The following CDH8 variants were observed in gnomAD, a reference collection of about 807,000 sequenced individuals.
CDH8 encodes cadherin 8.
Under a neutral mutation model 68.1 loss-of-function variants are expected in CDH8, and 17 were observed. The ratio of observed to expected loss-of-function variants is 0.25; its 90% CI spans 0.17 to 0.37. CDH8 has a LOEUF of 0.37. Ranked by LOEUF, CDH8 falls within the 10% of genes least tolerant of loss-of-function variation. The pLI is 1.00. For synonymous variants in CDH8, 372 were observed against 365.1 expected (o/e 1.02, Z -0.21); for missense variants, 763 against 999.3 (o/e 0.76, Z 3.19).
chr16:61,995,388 T>G (rs1638545265), intron 2 of CDH8, among the ~76,000 whole-genome samples: 2 of 152,134 alleles, frequency 1.3e-5, no homozygotes, highest in African/African-American at 2.4e-5. Context: ...ACTTTCACTT[T>G]TTTTTTTGAG....
In CDH8 at chr16:61,870,257, T is replaced by C. The variant is rs150120789; in HGVS notation, c.548-13019A>G. Among the ~76,000 whole-genome samples the C allele has an allele frequency of 2.7e-4, 41 of 152,348 alleles. No individual in the cohort carries two copies. In the East Asian group the frequency reaches 7.7e-3, roughly 29 times the overall value. On this transcript the variant is annotated intron_variant, in intron 3 of 11. Coordinates refer to ENST00000577390, the MANE Select transcript of CDH8 (RefSeq NM_001796.5). ...TGCTGATGAGATACACAACCCGTTC[T>C]GTCCCTTTTGGCAATCCATTTATAA...
chr16:61,820,865 A>T, intron 6 of CDH8, 61 bp downstream of exon 6: 1 of 1,453,604 alleles, frequency 6.9e-7, no homozygotes, highest in Non-Finnish European at 9.5e-7. Context: ...AAGTCCCTCA[A>T]CTTTAAAACT....
At chr16:61,807,668 C>G (rs1961828012) in intron 7 of CDH8, among the ~76,000 whole-genome samples, 1 of 152,144 alleles carries the variant, frequency 6.6e-6, no homozygotes. Flanking sequence ...CTATCCACTA[C>G]TTAGGGTCCA....
chr16:61,973,083 T>C (rs1007527711), intron 2 of CDH8, among the ~76,000 whole-genome samples: 2 of 152,144 alleles, frequency 1.3e-5, no homozygotes, highest in African/African-American at 2.4e-5. Flanking sequence ...AGGGGTCCAC[T>C]TATACTCTGA....
intron 10 of CDH8, among the ~76,000 whole-genome samples, chr16:61,667,000 A>G (rs1359404681): frequency 6.6e-6 from 1 of 152,052 alleles, no homozygotes; most frequent in Non-Finnish European, 1.5e-5. Flanking sequence ...AGTGTAATGA[A>G]TTAATAAAAA....
intron 3 of CDH8, among the ~76,000 whole-genome samples, chr16:61,884,201 G>C (rs1238248839): frequency 6.6e-6 from 1 of 151,990 alleles, no homozygotes; most frequent in Non-Finnish European, 1.5e-5. Flanking sequence ...TATATGCAGG[G>C]TCCACTTACG....
chr16:61,728,995 G>T (rs1387087522), intron 8 of CDH8, among the ~76,000 whole-genome samples: 1 of 151,054 alleles, frequency 6.6e-6, no homozygotes, highest in African/African-American at 2.4e-5. Context: ...TATAGCCTTT[G>T]CCTTTTGCAA....
intron 9 of CDH8, chr16:61,714,406 C>A: frequency 5.8e-6 from 1 of 172,154 alleles, no homozygotes; most frequent in Non-Finnish European, 1.2e-5. Context: ...TAAATGTTTG[C>A]CAAATAGTGT....
intron 2 of CDH8, among the ~76,000 whole-genome samples, chr16:61,959,586 A>G (rs951713080): frequency 8.0e-5 from 12 of 149,176 alleles, no homozygotes; most frequent in African/African-American, 2.7e-4. Flanking sequence ...ATATAGAGAG[A>G]TGTGTGTGTG....
At chr16:61,767,230 T>C (rs546925956) in intron 8 of CDH8, among the ~76,000 whole-genome samples, 25 of 152,122 alleles carry the variant, frequency 1.6e-4, no homozygotes, top group African/African-American at 5.8e-4. Context: ...ACATAAGCTA[T>C]GATTGTTAGC....
intron 10 of CDH8, among the ~76,000 whole-genome samples, chr16:61,665,828 CCT>C (rs1271867361): frequency 6.4e-5 from 9 of 141,146 alleles, no homozygotes; most frequent in Non-Finnish European, 1.1e-4. Context: ...TTCCTTCTCT[CCT>C]TCCCTCCCTC....
At chr16:61,868,613 G>A (rs1409019056) in intron 3 of CDH8, among the ~76,000 whole-genome samples, 3 of 152,036 alleles carry the variant, frequency 2.0e-5, no homozygotes, top group Non-Finnish European at 4.4e-5. Flanking sequence ...TTCCTATAGA[G>A]GAAATAATGA....
chr16:61,903,390 C>T (rs922109401), intron 2 of CDH8, among the ~76,000 whole-genome samples: 2 of 152,208 alleles, frequency 1.3e-5, no homozygotes, highest in South Asian at 4.1e-4. Context: ...GTGACGCGAT[C>T]TCAGCTCATT....
At chr16:61,807,850 T>C (rs1010166330) in intron 7 of CDH8, among the ~76,000 whole-genome samples, 3 of 152,214 alleles carry the variant, frequency 2.0e-5, no homozygotes, top group African/African-American at 7.2e-5. Context: ...TGCAGTTTGA[T>C]TTCACTGTCT....
intron 10 of CDH8, among the ~76,000 whole-genome samples, chr16:61,697,417 T>C (rs1330770100): frequency 3.3e-5 from 5 of 152,022 alleles, no homozygotes; most frequent in African/African-American, 1.2e-4. Flanking sequence ...GGAATTGATT[T>C]GGAACCTGGG....
chr16:61,938,065 C>T (rs1964654498), intron 2 of CDH8: 1 of 152,008 alleles, frequency 6.6e-6, no homozygotes, highest in Non-Finnish European at 1.5e-5. Flanking sequence ...CACTGATGCC[C>T]AGAAAACTAA....
intron 2 of CDH8, among the ~76,000 whole-genome samples, chr16:62,015,145 A>T (rs562442252): frequency 6.6e-6 from 1 of 152,318 alleles, no homozygotes; most frequent in East Asian, 1.9e-4. Flanking sequence ...ACCTGACTTC[A>T]TGTGATGGGT....
At chr16:61,819,649 C>T (rs1369066465) in intron 6 of CDH8, among the ~76,000 whole-genome samples, 1 of 151,984 alleles carries the variant, frequency 6.6e-6, no homozygotes, top group Non-Finnish European at 1.5e-5. Flanking sequence ...AAAGAATATC[C>T]AGAAAACTTT....
intron 2 of CDH8, among the ~76,000 whole-genome samples, chr16:61,926,839 A>G (rs564951321): frequency 6.6e-6 from 1 of 152,142 alleles, no homozygotes; most frequent in Non-Finnish European, 1.5e-5. Flanking sequence ...ATGGATACAA[A>G]GGGTCTCATT....
Sources: gnomAD v4.1 joint callset for allele counts (sites outside exome capture counted in the v4.1 genomes callset) on GRCh38, gnomAD v4.1.1 for gene constraint, MANE v1.5 for transcripts, NCBI Gene and HGNC (gene_info 2026-07-23, HGNC 2026-07-21) for gene names.